DPY19L2: variants seen among roughly 807,000 people sequenced by gnomAD.
DPY19L2 encodes dpy-19 like 2.
A neutral mutation model predicts 97.9 loss-of-function variants in DPY19L2; 34 were observed. That is an observed-to-expected ratio of 0.35 (90% CI 0.26 to 0.46). The LOEUF (loss-of-function observed/expected upper bound fraction) is 0.46, where lower values mean the gene tolerates loss of function less well. Among genes scored for constraint, DPY19L2 ranks in the 20% least tolerant of loss-of-function variants. The pLI is 1.00. For missense variants in DPY19L2, 623 were observed against 911.4 expected, an observed-to-expected ratio of 0.68 and a Z score of 4.07; for synonymous variants, 230 against 307.9, an observed-to-expected ratio of 0.75 and a Z score of 2.65.
chr12:63,576,645 C>T (rs1363879584), intron 19 of DPY19L2, among the ~76,000 whole-genome samples: 1 of 151,498 alleles, frequency 6.6e-6, no homozygotes, highest in African/African-American at 2.4e-5. Context: ...TATATGCCAA[C>T]AGAGAACAAC....
At chr12:63,640,957 A>G (rs1175811951) in intron 6 of DPY19L2, among the ~76,000 whole-genome samples, 1 of 152,118 alleles carries the variant, frequency 6.6e-6, no homozygotes, top group Non-Finnish European at 1.5e-5. Context: ...CAGTGGCGCA[A>G]TGTCGGCTCA....
chr12:63,667,314 G>A (rs1049613455), intron 1 of DPY19L2, among the ~76,000 whole-genome samples: 11 of 151,970 alleles, frequency 7.2e-5, no homozygotes, highest in African/African-American at 2.7e-4. Context: ...TAAGGAAAAG[G>A]TCAAATATAC....
chr12:63,579,411 A>G (rs959760624), intron 19 of DPY19L2, among the ~76,000 whole-genome samples: 1 of 152,206 alleles, frequency 6.6e-6, no homozygotes, highest in Non-Finnish European at 1.5e-5. Context: ...TGTGGTAACC[A>G]TGAGATAACT....
intron 8 of DPY19L2, among the ~76,000 whole-genome samples, chr12:63,622,318 G>A (rs1426610872): frequency 6.6e-6 from 1 of 152,060 alleles, no homozygotes; most frequent in African/African-American, 2.4e-5. Flanking sequence ...GAATAGCAAG[G>A]GGTGATGAAG....
intron 16 of DPY19L2, among the ~76,000 whole-genome samples, chr12:63,587,880 T>A (rs1160787226): frequency 2.6e-5 from 4 of 152,046 alleles, no homozygotes; most frequent in Admixed American, 6.6e-5. Context: ...CTAAAACTAG[T>A]TAGACATTTT....
chr12:63,639,287 G>C (rs1431461726), intron 6 of DPY19L2, among the ~76,000 whole-genome samples: 3 of 152,090 alleles, frequency 2.0e-5, no homozygotes, highest in Non-Finnish European at 2.9e-5. Flanking sequence ...ACATAGGCAT[G>C]GGCAAGGACT....
intron 19 of DPY19L2, among the ~76,000 whole-genome samples, chr12:63,578,827 T>C (rs898604859): frequency 2.6e-5 from 4 of 152,106 alleles, no homozygotes; most frequent in South Asian, 2.1e-4. Context: ...GGGAGCACTA[T>C]CAACTTCTGG....
intron 6 of DPY19L2, among the ~76,000 whole-genome samples, chr12:63,630,865 G>A (rs1253664077): frequency 2.6e-5 from 4 of 152,068 alleles, no homozygotes; most frequent in African/African-American, 7.2e-5. Context: ...ATAACAAACT[G>A]TCTCTCAGAC....
At chr12:63,652,323 G>A (rs1179375428) in intron 4 of DPY19L2, among the ~76,000 whole-genome samples, 1 of 152,070 alleles carries the variant, frequency 6.6e-6, no homozygotes, top group Admixed American at 6.5e-5. Flanking sequence ...CACTGCTGGT[G>A]GGAATGTAAA....
rs1269528851 is a variant in DPY19L2 at position 63,652,789 on chromosome 12, G to GGAGGGTAT, written c.589-5425_589-5424insATACCCTC. ...GCCTACTTGAGGGTGAAGGGTATGA[G>GGAGGGTAT]GAGGGTGAGGACTGAATAACTGCCT... On this transcript the variant is annotated intron_variant, in intron 4 of 21. Coordinates refer to ENST00000324472, the MANE Select transcript of DPY19L2 (RefSeq NM_173812.5). Among the ~76,000 whole-genome samples, 372 of 152,232 alleles carry GGAGGGTAT rather than the reference G, an allele frequency of 2.4e-3. 1 individual carries two copies. Among genetic ancestry groups the GGAGGGTAT allele is most frequent in the African/African-American group, 7.0e-3 (289 of 41,522 alleles).
chr12:63,564,487 A>G (rs1165561346), intron 21 of DPY19L2, among the ~76,000 whole-genome samples: 2 of 152,124 alleles, frequency 1.3e-5, no homozygotes, highest in South Asian at 2.1e-4. Flanking sequence ...CTTCTTGACC[A>G]TGGATTATCT....
At chr12:63,628,514 G>T (rs945063688) in intron 6 of DPY19L2, among the ~76,000 whole-genome samples, 1 of 152,098 alleles carries the variant, frequency 6.6e-6, no homozygotes, top group Non-Finnish European at 1.5e-5. Flanking sequence ...CAGCGAGGAT[G>T]GGGGAGGGGC....
intron 16 of DPY19L2, among the ~76,000 whole-genome samples, chr12:63,587,265 C>T (rs1282661620): frequency 6.6e-6 from 1 of 151,946 alleles, no homozygotes; most frequent in African/African-American, 2.4e-5. Flanking sequence ...AAAGCAAACA[C>T]TATTAAAATT....
intron 3 of DPY19L2, among the ~76,000 whole-genome samples, chr12:63,662,384 CA>C: frequency 6.6e-6 from 1 of 151,822 alleles, no homozygotes; most frequent in Admixed American, 6.6e-5. Context: ...AGTTGATTGG[CA>C]AAATATGAAT....
intron 9 of DPY19L2, among the ~76,000 whole-genome samples, chr12:63,619,165 G>C (rs560776868): frequency 2.8e-3 from 422 of 152,150 alleles, no homozygotes; most frequent in African/African-American, 9.8e-3. Flanking sequence ...ATTGGGCCAG[G>C]CATGGTGGCT....
chr12:63,586,302 A>G (rs1397334941), intron 16 of DPY19L2, among the ~76,000 whole-genome samples: 1 of 152,240 alleles, frequency 6.6e-6, no homozygotes, highest in Admixed American at 6.5e-5. Flanking sequence ...GAAAGCACCC[A>G]GAAAGCATGC....
intron 19 of DPY19L2, among the ~76,000 whole-genome samples, chr12:63,580,332 T>C (rs1169523276): frequency 6.6e-6 from 1 of 152,172 alleles, no homozygotes; most frequent in Non-Finnish European, 1.5e-5. Context: ...CTTCTTTGAT[T>C]TGTCATTGTT....
chr12:63,609,056 C>T (rs1482607045), intron 11 of DPY19L2, among the ~76,000 whole-genome samples: 1 of 151,884 alleles, frequency 6.6e-6, no homozygotes, highest in Non-Finnish European at 1.5e-5. Context: ...CTCCAAACTG[C>T]CGAATAAAAT....
At chr12:63,645,885 T>C (rs1473296804) in intron 5 of DPY19L2, among the ~76,000 whole-genome samples, 1 of 152,090 alleles carries the variant, frequency 6.6e-6, no homozygotes, top group Non-Finnish European at 1.5e-5. Context: ...AAAATGGAAC[T>C]CTGTTAAAAT....
Sources: allele counts gnomAD v4.1 joint callset (sites outside exome capture counted in the v4.1 genomes callset), GRCh38; gene constraint gnomAD v4.1.1; transcripts MANE v1.5; gene names NCBI Gene and HGNC (gene_info 2026-07-23, HGNC 2026-07-21).